Variants in STAT3 observed in about 807,000 individuals in gnomAD.
The protein encoded by STAT3 is DNA-binding protein APRF.
A neutral mutation model predicts 114.3 loss-of-function variants in STAT3; 7 were observed. The observed-to-expected ratio is 0.06, with a 90% CI of 0.03 to 0.11. The LOEUF (loss-of-function observed/expected upper bound fraction) is 0.11, where lower values mean the gene tolerates loss of function less well. Among genes scored for constraint, STAT3 ranks in the 10% least tolerant of loss-of-function variants. The pLI is 1.00. For missense variants in STAT3, 364 were observed against 960.9 expected, an observed-to-expected ratio of 0.38 and a Z score of 8.21; for synonymous variants, 331 against 354.5, an observed-to-expected ratio of 0.93 and a Z score of 0.74.
Position 42,366,116 on chromosome 17 carries a change from C to T in STAT3, c.-23-17577G>A, listed in dbSNP as rs559766080. ...AACATCAGACACTTATAGCCAACTGCCTCTTCAATATCTCCACCTGGATGT... is the reference window on the plus strand; with the variant it reads ...AACATCAGACACTTATAGCCAACTGTCTCTTCAATATCTCCACCTGGATGT... On this transcript the variant is annotated intron_variant, in intron 1 of 23. Transcript: ENST00000264657. Among the ~76,000 whole-genome samples, 29 of 152,218 alleles carry T rather than the reference C, an allele frequency of 1.9e-4. No individual in the cohort carries two copies. In the South Asian group the frequency reaches 3.3e-3, roughly 17 times the overall value.
At chr17:42,331,764 T>TA (rs1355283506) in intron 10 of STAT3, among the ~76,000 whole-genome samples, 1 of 151,962 alleles carries the variant, frequency 6.6e-6, no homozygotes, top group Non-Finnish European at 1.5e-5. Context: ...CCCACATCTA[T>TA]AAAAAATTTA....
At chr17:42,335,943 G>A (rs1353625053) in intron 8 of STAT3, among the ~76,000 whole-genome samples, 1 of 152,068 alleles carries the variant, frequency 6.6e-6, no homozygotes, top group African/African-American at 2.4e-5. Context: ...AAGACCAAAA[G>A]ACCAGAAAGA....
At chr17:42,373,694 C>A (rs982243953) in intron 1 of STAT3, among the ~76,000 whole-genome samples, 17 of 151,748 alleles carry the variant, frequency 1.1e-4, no homozygotes, top group Admixed American at 2.0e-4. Context: ...TCGAGACCAT[C>A]CTAACACGGT....
intron 1 of STAT3, among the ~76,000 whole-genome samples, chr17:42,378,540 C>G (rs927137272): frequency 6.6e-6 from 1 of 152,236 alleles, no homozygotes; most frequent in Non-Finnish European, 1.5e-5. Flanking sequence ...AGCCATCGCT[C>G]CCGGCCTCCT....
chr17:42,332,115 CAG>C (rs1325683522), intron 10 of STAT3, among the ~76,000 whole-genome samples: 1 of 151,556 alleles, frequency 6.6e-6, no homozygotes, highest in Non-Finnish European at 1.5e-5. Context: ...TTAGTAGAGA[CAG>C]AGTTTCTCCA....
At chr17:42,359,663 T>C (rs192751935) in intron 1 of STAT3, among the ~76,000 whole-genome samples, 1 of 152,342 alleles carries the variant, frequency 6.6e-6, no homozygotes, top group African/African-American at 2.4e-5. Context: ...GGCGCTGTTT[T>C]AAACACTTGA....
chr17:42,383,026 C>G (rs2084889584), intron 1 of STAT3, among the ~76,000 whole-genome samples: 1 of 152,036 alleles, frequency 6.6e-6, no homozygotes, highest in Non-Finnish European at 1.5e-5. Flanking sequence ...ATTCCCAGGC[C>G]TCATAACCTC....
chr17:42,373,989 TC>T (rs2084313339), intron 1 of STAT3: 1 of 152,140 alleles, frequency 6.6e-6, no homozygotes, highest in African/African-American at 2.4e-5. Context: ...ATGAGTGATC[TC>T]CCCAAGGAGA....
intron 1 of STAT3, among the ~76,000 whole-genome samples, chr17:42,350,507 G>A (rs911150806): frequency 6.6e-6 from 1 of 151,964 alleles, no homozygotes; most frequent in South Asian, 2.1e-4. Flanking sequence ...GGCTGGTCTC[G>A]AACTCCTGGG....
At chr17:42,376,321 T>C (rs1225109153) in intron 1 of STAT3, among the ~76,000 whole-genome samples, 1 of 152,138 alleles carries the variant, frequency 6.6e-6, no homozygotes, top group African/African-American at 2.4e-5. Flanking sequence ...AAAGTTTGTA[T>C]CCACCACTGT....
intron 1 of STAT3, among the ~76,000 whole-genome samples, chr17:42,379,254 C>T (rs747547005): frequency 3.3e-5 from 5 of 152,258 alleles, no homozygotes; most frequent in South Asian, 2.1e-4. Flanking sequence ...GCCCCGCATA[C>T]GGCCAGGAAA....
chr17:42,387,323 TAA>T (rs1420222594), intron 1 of STAT3: 1 of 152,208 alleles, frequency 6.6e-6, no homozygotes, highest in Non-Finnish European at 1.5e-5. Flanking sequence ...CAAATGCATG[TAA>T]AGTTTGCACA....
chr17:42,345,291 G>T, intron 4 of STAT3: 6 of 401,698 alleles, frequency 1.5e-5, no homozygotes, highest in Non-Finnish European at 2.2e-5. Context: ...GAAAAACAAA[G>T]AAAATTTGTC....
intron 1 of STAT3, among the ~76,000 whole-genome samples, chr17:42,357,562 C>A (rs1205378136): frequency 1.3e-5 from 2 of 152,118 alleles, no homozygotes; most frequent in African/African-American, 4.8e-5. Flanking sequence ...ATCCCAGCCA[C>A]TTGGGAGGCT....
In STAT3 at chr17:42,323,345, C is replaced by T. The variant is rs1471271759; in HGVS notation, c.1663G>A (p.Ala555Thr). 1.9e-6 allele frequency: 3 copies of T among 1,614,176 alleles called. No individual in the cohort carries two copies. The highest frequency in any genetic ancestry group is 1.7e-5 in the Admixed American group (1 of 60,016). Residue 555 changes from alanine to threonine, a missense_variant, in exon 19 of 24, where the codon GCT becomes ACT. Ala to Thr is a moderately conservative substitution (Grantham distance 58, BLOSUM62 0). This residue lies in a region of STAT3 where 294 missense variants were observed against 745.1 expected (regional missense o/e 0.39). Transcript: ENST00000264657. The part of the protein sequence containing the change: ...TWAKFCKENM[A>T]GKGFSFWVWL... ...ACCCAGAAGGAGAAGCCCTTGCCAG[C>T]CATGTTTTCCTGGAGAAAAGAGTAA...
chr17:42,335,869 A>G (rs1243703148), intron 8 of STAT3, among the ~76,000 whole-genome samples: 1 of 152,122 alleles, frequency 6.6e-6, no homozygotes, highest in Non-Finnish European at 1.5e-5. Context: ...TCTCAAAAAA[A>G]TTAAAAAAAG....
chr17:42,329,482 G>A (rs985931983), intron 13 of STAT3, 25 bp from the exon 14 acceptor site: 2 of 1,614,046 alleles, frequency 1.2e-6, no homozygotes, highest in African/African-American at 1.3e-5. Flanking sequence ...AAAGGCAGGT[G>A]TCCTGTGAGG....
intron 15 of STAT3, among the ~76,000 whole-genome samples, chr17:42,325,905 G>C (rs1448255515): frequency 6.6e-6 from 1 of 152,212 alleles, no homozygotes; most frequent in African/African-American, 2.4e-5. Context: ...TTTGCTGAAA[G>C]CTGAATATAC....
intron 1 of STAT3, among the ~76,000 whole-genome samples, chr17:42,385,706 C>T (rs1193165002): frequency 6.6e-6 from 1 of 152,046 alleles, no homozygotes; most frequent in Non-Finnish European, 1.5e-5. Context: ...CTGATCAAGC[C>T]ACAATGCACT....
Sources: gnomAD v4.1 joint callset for allele counts (sites outside exome capture counted in the v4.1 genomes callset) on GRCh38, gnomAD v4.1.1 for gene constraint, gnomAD v4.1.1 regional missense constraint, MANE v1.5 for transcripts, NCBI Gene and HGNC (gene_info 2026-07-23, HGNC 2026-07-21) for gene names.